DACT2: variants seen among roughly 807,000 people sequenced by gnomAD.
DACT2 encodes the protein dapper homolog 2.
A neutral mutation model predicts 22.2 loss-of-function variants in DACT2; 20 were observed. The ratio of observed to expected loss-of-function variants is 0.90; its 90% CI spans 0.63 to 1.31. The LOEUF is 1.31. Among genes scored for constraint, DACT2 ranks in the 50% most tolerant of loss-of-function variants. The probability of loss-of-function intolerance (pLI) is 0.00; values close to 1 mark genes in which losing one functional copy is unlikely to be tolerated. For synonymous variants in DACT2, 463 were observed against 479.8 expected, an observed-to-expected ratio of 0.96 and a Z score of 0.46; for missense variants, 1,048 against 1,061.4, an observed-to-expected ratio of 0.99 and a Z score of 0.18.
chr6:168,294,030 C>T (rs1778956272), intron 5 of DACT2: 1 of 702,912 alleles, frequency 1.4e-6, no homozygotes, highest in Admixed American at 2.0e-5. Flanking sequence ...CTCTTTGCCT[C>T]CCCGTCCCCA....
chr6:168,310,268 C>T lies in DACT2; in HGVS notation c.558G>A (p.Ala186=), dbSNP rs764010843. Reference sequence around the variant, plus strand: ...CCTCCTCGGTAGCCTGGGGTCTCCACGCTGGCACAGTAGTCTCATCAACCG... The same window carrying T: ...CCTCCTCGGTAGCCTGGGGTCTCCATGCTGGCACAGTAGTCTCATCAACCG... The part of the protein sequence containing the change: ...PRSVDETTVP[A]WRPQATEEGA... The change falls in exon 3 of 4, where the codon GCG becomes GCA. Residue 186 remains alanine, a synonymous_variant. Coordinates refer to ENST00000366795, the MANE Select transcript of DACT2 (RefSeq NM_214462.5). 79 of 1,551,344 alleles carry T rather than the reference C, an allele frequency of 5.1e-5. No homozygotes were observed. Among genetic ancestry groups the T allele is most frequent in the Admixed American group, 5.9e-5 (3 of 50,980 alleles).
At chr6:168,306,856 T>C (rs902034467), downstream of DACT2, 2 of 981,698 alleles carry the variant, frequency 2.0e-6, no homozygotes, top group East Asian at 1.1e-4. Context: ...GGCATGATGA[T>C]TATGGTGACC....
chr6:168,309,209 C>T (rs910457767), intron 3 of DACT2, 111 bp from the exon 4 acceptor site: 71 of 1,422,824 alleles, frequency 5.0e-5, no homozygotes, highest in Non-Finnish European at 6.1e-5. Flanking sequence ...TTCACTGCTT[C>T]GAGGAACTCC....
At chr6:168,311,430 CT>C (rs1779395218) in intron 1 of DACT2, 146 bp from the exon 2 acceptor site, 1 of 1,114,104 alleles carries the variant, frequency 9.0e-7, no homozygotes, top group Non-Finnish European at 1.2e-6. Context: ...GCAGCTGCCC[CT>C]GCTCACTCTG....
downstream of DACT2, among the ~76,000 whole-genome samples, chr6:168,304,148 C>T (rs988656939): frequency 6.6e-6 from 1 of 152,190 alleles, no homozygotes; most frequent in South Asian, 2.1e-4. Flanking sequence ...GAAGTCTGCC[C>T]CCGTCATCTA....
chr6:168,297,495 G>A (rs1779028361), intron 3 of DACT2, among the ~76,000 whole-genome samples: 1 of 152,236 alleles, frequency 6.6e-6, no homozygotes, highest in Non-Finnish European at 1.5e-5. Flanking sequence ...CTGGCTTCTA[G>A]AAGCTGCAAA....
intron 1 of DACT2, among the ~76,000 whole-genome samples, chr6:168,313,589 C>A (rs535661048): frequency 1.3e-5 from 2 of 152,178 alleles, no homozygotes; most frequent in Non-Finnish European, 2.9e-5. Context: ...AACAAAGGGG[C>A]TGGGTGGATC....
At chr6:168,314,009 ACCGCG>A (rs1477195763) in intron 1 of DACT2, among the ~76,000 whole-genome samples, 2 of 93,452 alleles carry the variant, frequency 2.1e-5, no homozygotes, top group East Asian at 5.1e-4. Context: ...TGTAACCCCG[ACCGCG>A]CTTGTAACCC....
At chr6:168,312,831 CAA>C (rs1188062229) in intron 1 of DACT2, among the ~76,000 whole-genome samples, 2 of 152,130 alleles carry the variant, frequency 1.3e-5, no homozygotes, top group East Asian at 1.9e-4. Context: ...GAAATCATTA[CAA>C]GAGAGAGGCA....
intron 1 of DACT2, among the ~76,000 whole-genome samples, chr6:168,311,615 A>AAC (rs199973638): frequency 1.5e-4 from 7 of 48,276 alleles, no homozygotes; most frequent in African/African-American, 5.8e-4. Context: ...CACTCACACA[A>AAC]ACACACACAC....
chr6:168,299,739 C>G (rs1196020473), intron 3 of DACT2: 1 of 152,354 alleles, frequency 6.6e-6, no homozygotes, highest in Non-Finnish European at 1.5e-5. Flanking sequence ...TGCCCAGCTT[C>G]TCCAGCATGT....
chr6:168,303,130 G>A (rs998168309), downstream of DACT2, among the ~76,000 whole-genome samples: 2 of 152,066 alleles, frequency 1.3e-5, no homozygotes, highest in African/African-American at 2.4e-5. Context: ...TACTTGACCC[G>A]TAAGGTGGGA....
Position 168,308,171 on chromosome 6 carries a change from TG to T in DACT2, c.1585del (p.Gln529SerfsTer228), listed in dbSNP as rs1298397605. On this transcript the variant is annotated frameshift_variant, in exon 4 of 4. Transcript: ENST00000366795. LOFTEE classifies it low-confidence loss of function (END_TRUNC). ...DRPEGAHAAPQPSLEWDPAHW... is the reference protein window; with the variant it reads ...DRPEGAHAAPXPSLEWDPAHW... ...GGCAGGGTCCCACTCCAGGGATGGC[TG>T]GGGGGCTGCATGGGCTCCCTCAGGC... The T allele has an allele frequency of 3.9e-6, 6 of 1,550,878 alleles. No homozygotes were observed. The highest frequency in any genetic ancestry group is 4.9e-5 in the East Asian group (2 of 40,818).
Position 168,307,051 on chromosome 6 carries a change from G to A in DACT2, c.*381C>T. The stretch of plus-strand genomic sequence containing the variant: ...AACCGCCTCTTTAAAATGCTTTTGG[G>A]GAGGAATGGTCAAAGGATTGGGAAA... On this transcript the variant is annotated 3_prime_UTR_variant, in exon 4 of 4. Coordinates refer to ENST00000366795, the MANE Select transcript of DACT2 (RefSeq NM_214462.5). The surrounding 1 kb of genome is among the most constrained non-coding windows in gnomAD (Gnocchi z 5.3). The A allele has an allele frequency of 3.9e-6, 4 of 1,026,386 alleles. No homozygotes were observed. The highest frequency in any genetic ancestry group is 4.7e-6 in the Non-Finnish European group (4 of 856,200). The allele number at this position is 1,026,386 out of a possible 1,614,324, so 63.6% of individuals were successfully genotyped here.
intron 3 of DACT2, among the ~76,000 whole-genome samples, chr6:168,296,251 TC>T (rs1178339828): frequency 1.3e-5 from 2 of 149,062 alleles, no homozygotes; most frequent in African/African-American, 2.5e-5. Flanking sequence ...AGCAGATCCA[TC>T]CACAGTGGTG....
In DACT2 at chr6:168,307,922, G is replaced by A; in HGVS notation, c.1835C>T (p.Thr612Ile). Residue 612 changes from threonine (T) to isoleucine (I), a missense_variant, in exon 4 of 4, where the codon ACC (threonine) becomes ATC (isoleucine). Thr to Ile is a moderately conservative substitution (Grantham distance 89, BLOSUM62 -1). Transcript: ENST00000366795. The surrounding 1 kb of genome is among the most constrained non-coding windows in gnomAD (Gnocchi z 5.3). ...GCGGGCCCGGGCCGAGATCTCCACG[G>A]TGGACTGCCAGCGGCGATGCTTCCT... ...ARRKHRRWQS[T>I]VEISARARLA... 1 of 1,546,230 alleles carries A rather than the reference G, an allele frequency of 6.5e-7. No homozygotes were observed. Among genetic ancestry groups the A allele is most frequent in the Admixed American group, 2.0e-5 (1 of 51,010 alleles).
rs1779243151 is a variant in DACT2, at chr6:168,307,559, G to A, written c.2198C>T (p.Ala733Val). The A allele has an allele frequency of 2.6e-6, 4 of 1,551,156 alleles. No homozygotes were observed. Among genetic ancestry groups the A allele is most frequent in the Non-Finnish European group, 3.5e-6 (4 of 1,146,902 alleles). Residue 733 changes from alanine to valine, a missense_variant, in exon 4 of 4, where the codon GCC becomes GTC. Physicochemically the swap from Ala to Val is moderately conservative, Grantham distance 64. Coordinates refer to ENST00000366795, the MANE Select transcript of DACT2 (RefSeq NM_214462.5). The surrounding 1 kb of genome is among the most constrained non-coding windows in gnomAD (Gnocchi z 5.3). The part of the protein sequence containing the change: ...GHAELAWTQE[A>V]PVSSGPLLSP... ...CAGGAGTGGCCCCGAGCTGACCGGG[G>A]CCTCCTGGGTCCAGGCCAGCTCCGC...
At chr6:168,309,137 G>A in intron 3 of DACT2, 39 bp from the exon 4 acceptor site, 1 of 1,474,370 alleles carries the variant, frequency 6.8e-7, no homozygotes, top group Non-Finnish European at 9.0e-7. Flanking sequence ...TAACTACGGA[G>A]ACGATTTAGT....
Position 168,295,368 on chromosome 6 carries a change from T to C in DACT2, c.659-664A>G, listed in dbSNP as rs561902969. Among the ~76,000 whole-genome samples, 3 of 152,352 alleles carry C rather than the reference T, an allele frequency of 2.0e-5. No individual in the cohort carries two copies. In the East Asian group the frequency reaches 5.8e-4, roughly 29 times the overall value. ...ACTGGGTTCAAACAGACACTCTGCC[T>C]GGTTTGATTGCAGGCACTGAAAATC... On this transcript the variant is annotated intron_variant, in intron 3 of 5. Coordinates refer to the DACT2 transcript ENST00000366796.
Sources: gnomAD v4.1 joint callset for allele counts (sites outside exome capture counted in the v4.1 genomes callset) on GRCh38, gnomAD v4.1.1 for gene constraint, Gnocchi (gnomAD v3.1) non-coding constraint, MANE v1.5 for transcripts, NCBI Gene and HGNC (gene_info 2026-07-23, HGNC 2026-07-21) for gene names.